Variants in PTGER3 observed in about 807,000 individuals in gnomAD.
PTGER3 encodes the protein prostaglandin E receptor 3.
PTGER3 carries 22 observed loss-of-function variants against 34.7 expected under a neutral mutation model. That is an observed-to-expected ratio of 0.63 (90% CI 0.45 to 0.91). The LOEUF (loss-of-function observed/expected upper bound fraction) is 0.91, where lower values mean the gene tolerates loss of function less well. Ranked by LOEUF, PTGER3 falls within the 40% of genes least tolerant of loss-of-function variation. The pLI is 0.00. For missense variants in PTGER3, 468 were observed against 519.4 expected (o/e 0.90, Z 0.96); for synonymous variants, 241 against 230.1 (o/e 1.05, Z -0.43).
intron 2 of PTGER3, chr1:71,008,655 C>A (rs1657178032): frequency 2.0e-6 from 2 of 983,190 alleles, no homozygotes; most frequent in African/African-American, 1.7e-5. Flanking sequence ...TTTGTTGCAA[C>A]TCAGAAAAGT....
At chr1:71,003,600 C>A (rs918434569) in intron 2 of PTGER3, among the ~76,000 whole-genome samples, 2 of 152,208 alleles carry the variant, frequency 1.3e-5, no homozygotes, top group South Asian at 4.1e-4. Context: ...CCTCTCAGAT[C>A]AAATTGTGTT....
chr1:71,022,737 A>G (rs1202252581), intron 1 of PTGER3, among the ~76,000 whole-genome samples: 3 of 150,640 alleles, frequency 2.0e-5, no homozygotes, highest in Non-Finnish European at 4.4e-5. Flanking sequence ...ATACACAGGC[A>G]CACACACACA....
chr1:70,918,420 A>G (rs1423211300), intron 4 of PTGER3, among the ~76,000 whole-genome samples: 1 of 152,022 alleles, frequency 6.6e-6, no homozygotes, highest in Non-Finnish European at 1.5e-5. Context: ...CATCAAACCA[A>G]AAAGCTTCTT....
At chr1:70,929,150 C>A (rs1023567400) in intron 4 of PTGER3, among the ~76,000 whole-genome samples, 2 of 152,100 alleles carry the variant, frequency 1.3e-5, no homozygotes, top group African/African-American at 4.8e-5. Context: ...AATGACTAAT[C>A]CAAAGTTATG....
chr1:70,866,618 C>CA (rs1646047938), intron 4 of PTGER3, among the ~76,000 whole-genome samples: 1 of 152,186 alleles, frequency 6.6e-6, no homozygotes, highest in Admixed American at 6.5e-5. Context: ...TCTGTGGCTC[C>CA]AGCAGTTATC....
rs186737920 is a variant in PTGER3, at chr1:70,935,414, T to C, written c.*23+18349A>G. Among the ~76,000 whole-genome samples, 24 of 152,156 alleles carry C rather than the reference T, an allele frequency of 1.6e-4. No homozygotes were observed. The East Asian group carries it at 4.6e-3, about 29-fold the overall frequency. The stretch of plus-strand genomic sequence containing the variant: ...ATATACATAAATAGCAATAAATATA[T>C]CAATATACTATCTGGCATGTTTTAG... On this transcript the variant is annotated intron_variant, in intron 4 of 4. Coordinates refer to the PTGER3 transcript ENST00000370931.
At chr1:71,014,543 G>A (rs1264474027) in intron 1 of PTGER3, among the ~76,000 whole-genome samples, 3 of 152,156 alleles carry the variant, frequency 2.0e-5, no homozygotes, top group Non-Finnish European at 4.4e-5. Flanking sequence ...AGGCCTTTGG[G>A]AGGTAATTAG....
chr1:71,029,177 C>T (rs891430843), intron 1 of PTGER3, among the ~76,000 whole-genome samples: 9 of 152,302 alleles, frequency 5.9e-5, no homozygotes, highest in Admixed American at 5.2e-4. Flanking sequence ...TTCTAGTGTC[C>T]TTTTCACTTA....
intron 1 of PTGER3, among the ~76,000 whole-genome samples, chr1:71,024,207 C>A (rs1460137776): frequency 6.6e-6 from 1 of 152,114 alleles, no homozygotes; most frequent in Non-Finnish European, 1.5e-5. Flanking sequence ...TTCTTTCTTG[C>A]TTTTGAGGCA....
At chr1:71,021,629 GT>G (rs1332530220) in intron 1 of PTGER3, among the ~76,000 whole-genome samples, 1 of 151,700 alleles carries the variant, frequency 6.6e-6, no homozygotes, top group East Asian at 1.9e-4. Flanking sequence ...AGATTTCAGA[GT>G]TTTTTCCTCC....
At chr1:70,993,193 T>C (rs1314617198) in intron 2 of PTGER3, among the ~76,000 whole-genome samples, 1 of 152,210 alleles carries the variant, frequency 6.6e-6, no homozygotes, top group African/African-American at 2.4e-5. Context: ...CCATTTGTTT[T>C]TCAGTATTAC....
intron 4 of PTGER3, among the ~76,000 whole-genome samples, chr1:70,865,421 T>C (rs1646019169): frequency 6.6e-6 from 1 of 152,066 alleles, no homozygotes; most frequent in South Asian, 2.1e-4. Context: ...CAAGAGATTA[T>C]GAGGGACCCC....
At position 71,012,463 on chromosome 1, in the gene PTGER3, A is replaced by C; in HGVS notation, c.919T>G (p.Phe307Val). 6.2e-7 allele frequency: 1 copy of C among 1,613,066 alleles called. No individual in the cohort carries two copies. Among genetic ancestry groups the C allele is most frequent in the South Asian group, 1.1e-5 (1 of 90,912 alleles). ...CAGTGCTCAACTGATGTCTGATTGA[A>C]GATCATTTTCAACATCATTATCTAA... ...PLLIMMLKMI[F>V]NQTSVEHCKT... The change falls in exon 2 of 4, where the codon TTC (phenylalanine) becomes GTC (valine). Residue 307 changes from phenylalanine (F) to valine (V), a missense_variant. Around this residue, in one of 5 missense-constraint regions of PTGER3, gnomAD observed 204 missense variants for 230.8 expected, o/e 0.88. Coordinates refer to ENST00000306666, the MANE Select transcript of PTGER3 (RefSeq NM_198719.2).
At chr1:70,952,190 T>C (rs138679423), downstream of PTGER3, among the ~76,000 whole-genome samples, 1,131 of 152,224 alleles carry the variant, frequency 7.4e-3, 17 homozygotes, top group African/African-American at 0.026. Context: ...GTAGAAGATA[T>C]ATTTTGAAGG....
intron 4 of PTGER3, among the ~76,000 whole-genome samples, chr1:70,878,132 A>G (rs1646312394): frequency 1.3e-5 from 2 of 152,034 alleles, no homozygotes; most frequent in South Asian, 2.1e-4. Context: ...GCTTTTTATT[A>G]CTGATTCAAT....
At chr1:70,966,549 C>T (rs755916549), downstream of PTGER3, among the ~76,000 whole-genome samples, 1 of 152,046 alleles carries the variant, frequency 6.6e-6, no homozygotes, top group Non-Finnish European at 1.5e-5. Context: ...TGTACATGTG[C>T]TATGGTGGTT....
downstream of PTGER3, among the ~76,000 whole-genome samples, chr1:70,949,568 G>A (rs1244395294): frequency 6.6e-6 from 1 of 152,154 alleles, no homozygotes; most frequent in Non-Finnish European, 1.5e-5. Flanking sequence ...TAAGCCTTGT[G>A]AAAGAGTTTG....
At chr1:71,010,994 T>C (rs762568868) in intron 2 of PTGER3, 28 of 985,572 alleles carry the variant, frequency 2.8e-5, no homozygotes, top group Non-Finnish European at 3.4e-5. Context: ...ATCTTCACAA[T>C]AAAAAGTTAA....
chr1:70,897,582 A>G (rs1646748025), intron 4 of PTGER3, among the ~76,000 whole-genome samples: 1 of 152,102 alleles, frequency 6.6e-6, no homozygotes, highest in Non-Finnish European at 1.5e-5. Flanking sequence ...TGCCGGTACA[A>G]CCCACCAAAC....
Sources: allele counts gnomAD v4.1 joint callset (sites outside exome capture counted in the v4.1 genomes callset), GRCh38; gene constraint gnomAD v4.1.1; regional missense constraint gnomAD v4.1.1; transcripts MANE v1.5; gene names NCBI Gene and HGNC (gene_info 2026-07-23, HGNC 2026-07-21).